The following SERPINB12 variants were observed in gnomAD, a reference collection of about 807,000 sequenced individuals.
SERPINB12 encodes the protein serpin B12.
Under a neutral mutation model 41.1 loss-of-function variants are expected in SERPINB12, and 57 were observed. That is an observed-to-expected ratio of 1.39 (90% CI 1.12 to 1.73). SERPINB12 has a LOEUF of 1.73. Ranked by LOEUF, SERPINB12 falls within the 40% of genes most tolerant of loss-of-function variation. SERPINB12 has a pLI of 0.00. For missense variants in SERPINB12, 536 were observed against 501.9 expected, an observed-to-expected ratio of 1.07 and a Z score of -0.65; for synonymous variants, 180 against 181.3, an observed-to-expected ratio of 0.99 and a Z score of 0.06.
At chr18:63,562,462 A>G (rs1265744555) in intron 5 of SERPINB12, among the ~76,000 whole-genome samples, 1 of 152,204 alleles carries the variant, frequency 6.6e-6, no homozygotes, top group Non-Finnish European at 1.5e-5. Flanking sequence ...AGGCTGGGAA[A>G]TGACAGTTGA....
chr18:63,545,498 G>A (rs989678104), intron 1 of SERPINB12, among the ~76,000 whole-genome samples: 13 of 152,218 alleles, frequency 8.5e-5, no homozygotes, highest in Non-Finnish European at 2.9e-5. Context: ...TTGAGCAATC[G>A]CACCACACCA....
upstream of SERPINB12, among the ~76,000 whole-genome samples, chr18:63,538,925 C>T (rs1047591214): frequency 3.5e-4 from 53 of 152,132 alleles, no homozygotes; most frequent in Non-Finnish European, 1.3e-4. Flanking sequence ...TTTTATTTTG[C>T]ATTTCCCTAA....
At chr18:63,552,367 T>C (rs1241656341) in intron 1 of SERPINB12, among the ~76,000 whole-genome samples, 1 of 152,324 alleles carries the variant, frequency 6.6e-6, no homozygotes, top group East Asian at 1.9e-4. Flanking sequence ...ATCTTAAATT[T>C]CTTTCTCTTT....
At chr18:63,546,779 A>T (rs1910397699) in intron 1 of SERPINB12, among the ~76,000 whole-genome samples, 1 of 152,008 alleles carries the variant, frequency 6.6e-6, no homozygotes, top group African/African-American at 2.4e-5. Context: ...AATATATGCC[A>T]CTCTTTTCTT....
chr18:63,555,164 C>G (rs1910634443), intron 1 of SERPINB12, among the ~76,000 whole-genome samples: 1 of 152,168 alleles, frequency 6.6e-6, no homozygotes, highest in Admixed American at 6.5e-5. Context: ...TCAAGACCCC[C>G]AGCATCATTC....
the SERPINB12 span, among the ~76,000 whole-genome samples, chr18:63,526,013 G>A: frequency 2.0e-5 from 3 of 152,076 alleles, no homozygotes; most frequent in Non-Finnish European, 4.4e-5. Context: ...AATCCCATCT[G>A]ACCAATAAAC....
At chr18:63,547,369 T>G (rs1485824579) in intron 1 of SERPINB12, among the ~76,000 whole-genome samples, 2 of 152,172 alleles carry the variant, frequency 1.3e-5, no homozygotes, top group Non-Finnish European at 2.9e-5. Flanking sequence ...TTTTTTTTTT[T>G]TGCACCATAA....
At chr18:63,534,664 A>G in the SERPINB12 span, among the ~76,000 whole-genome samples, 6 of 152,164 alleles carry the variant, frequency 3.9e-5, no homozygotes, top group Non-Finnish European at 8.8e-5. Flanking sequence ...CGGATCAAGC[A>G]GACTCCCTGG....
intron 2 of SERPINB12, among the ~76,000 whole-genome samples, chr18:63,556,847 TCTC>T (rs1910697755): frequency 6.6e-6 from 1 of 152,184 alleles, no homozygotes; most frequent in African/African-American, 2.4e-5. Context: ...TCCAGGCACT[TCTC>T]CCAGTCTCCT....
At chr18:63,542,033 G>A (rs1910283154), upstream of SERPINB12, among the ~76,000 whole-genome samples, 1 of 152,100 alleles carries the variant, frequency 6.6e-6, no homozygotes. Context: ...TTCCGCTTGG[G>A]TTTTGTGTAT....
intron 1 of SERPINB12, among the ~76,000 whole-genome samples, chr18:63,550,704 G>A (rs1476926855): frequency 6.6e-6 from 1 of 152,150 alleles, no homozygotes; most frequent in Non-Finnish European, 1.5e-5. Flanking sequence ...AGCTGATTTT[G>A]TGCATTTTTC....
chr18:63,556,200 A>G lies in SERPINB12; in HGVS notation c.41A>G (p.Asp14Gly), dbSNP rs1173757630. ...LVTANTKFCF[D>G]LFQEIGKDDR... ...ACAGCAAACACCAAATTTTGCTTTGATCTTTTTCAAGAGATAGGCAAAGAT... is the reference window on the plus strand; with the variant it reads ...ACAGCAAACACCAAATTTTGCTTTGGTCTTTTTCAAGAGATAGGCAAAGAT... Residue 14 changes from aspartate to glycine, a missense_variant, in exon 2 of 8, where the codon GAT (aspartate) becomes GGT (glycine). Coordinates refer to ENST00000382768, the MANE Select transcript of SERPINB12 (RefSeq NM_001307928.2). 6.2e-7 allele frequency: 1 copy of G among 1,613,938 alleles called. No individual in the cohort carries two copies.
rs564859642 is a variant in SERPINB12, at chr18:63,557,182, C to T, written c.168+855C>T. ...CTGGCTTCCTTGGGTAAGTCATGCC[C>T]ATCCTATCTTGGGGCCTTTGCTCTC... is the stretch of plus-strand genomic sequence containing the variant. On this transcript the variant is annotated intron_variant, in intron 2 of 7. Coordinates refer to ENST00000382768, the MANE Select transcript of SERPINB12 (RefSeq NM_001307928.2). Among the ~76,000 whole-genome samples, 50 of 152,204 alleles carry T rather than the reference C, an allele frequency of 3.3e-4. 1 individual carries two copies. The East Asian group carries it at 4.6e-3, about 14-fold the overall frequency.
rs144242542 is a variant in SERPINB12, at chr18:63,545,327, G to A, written c.-19+2835G>A. ...ACTTGAAGTCACGGGTACTAGAGAG[G>A]CTCGCTTTCTTCAGCCATTCAGTGA... On this transcript the variant is annotated intron_variant, in intron 1 of 7. Transcript: ENST00000382768. Among the ~76,000 whole-genome samples the A allele has an allele frequency of 2.2e-3, 335 of 152,084 alleles. 3 individuals carry two copies. Among genetic ancestry groups the A allele is most frequent in the Middle Eastern group, 0.02 (6 of 294 alleles).
chr18:63,538,863 T>C (rs1210798605), upstream of SERPINB12, among the ~76,000 whole-genome samples: 1 of 152,216 alleles, frequency 6.6e-6, no homozygotes, highest in East Asian at 1.9e-4. Flanking sequence ...TGTTATTGTC[T>C]GTTTTTAAAT....
At chr18:63,520,266 C>T in the SERPINB12 span, among the ~76,000 whole-genome samples, 487 of 152,196 alleles carry the variant, frequency 3.2e-3, 6 homozygotes, top group African/African-American at 0.011. Context: ...GTTACCAGGA[C>T]GGGACAATGG....
rs1258206521 is a variant in SERPINB12, at chr18:63,564,094, G to T, written c.679G>T (p.Val227Leu). Residue 227 changes from valine to leucine, a missense_variant, in exon 6 of 8, where the codon GTG (valine) becomes TTG (leucine). Coordinates refer to ENST00000382768, the MANE Select transcript of SERPINB12 (RefSeq NM_001307928.2). ...AACATACTTTGACCATGAAAACACG[G>T]TGGATGCACCTTTCTGTCTAAATGC... ...WETYFDHENT[V>L]DAPFCLNANE... 2.5e-6 allele frequency: 4 copies of T among 1,613,706 alleles called. No individual in the cohort carries two copies. The African/African-American group carries it at 5.3e-5, about 22-fold the overall frequency.
At chr18:63,553,563 C>T (rs183828633) in intron 1 of SERPINB12, among the ~76,000 whole-genome samples, 1 of 152,252 alleles carries the variant, frequency 6.6e-6, no homozygotes, top group East Asian at 1.9e-4. Flanking sequence ...CCCTTCTTTT[C>T]CTTCAATATA....
chr18:63,540,944 G>A (rs1277399951), upstream of SERPINB12, among the ~76,000 whole-genome samples: 1 of 152,144 alleles, frequency 6.6e-6, no homozygotes, highest in Non-Finnish European at 1.5e-5. Flanking sequence ...TAAAGTGTGT[G>A]TAGAGAAAAG....
Sources: allele counts gnomAD v4.1 joint callset (sites outside exome capture counted in the v4.1 genomes callset), GRCh38; gene constraint gnomAD v4.1.1; transcripts MANE v1.5; gene names NCBI Gene and HGNC (gene_info 2026-07-23, HGNC 2026-07-21).